The following CLSTN2 variants were observed in gnomAD, a reference collection of about 807,000 sequenced individuals.
CLSTN2 encodes calsyntenin-2.
CLSTN2 carries 48 observed loss-of-function variants against 101.2 expected under a neutral mutation model. That is an observed-to-expected ratio of 0.47 (90% CI 0.38 to 0.60). The LOEUF is 0.60. Among genes scored for constraint, CLSTN2 ranks in the 20% least tolerant of loss-of-function variants. The probability of loss-of-function intolerance (pLI) is 0.00; values close to 1 mark genes in which losing one functional copy is unlikely to be tolerated. For synonymous variants in CLSTN2, 481 were observed against 463.6 expected (o/e 1.04, Z -0.48); for missense variants, 1,160 against 1,238.2 (o/e 0.94, Z 0.95).
chr3:140,556,837 A>ATGATACG, intron 11 of CLSTN2, 176 bp downstream of exon 11: 2 of 608,572 alleles, frequency 3.3e-6, no homozygotes, highest in East Asian at 2.8e-5. Flanking sequence ...TTTCTTCCTA[A>ATGATACG]GCAAGATGTT....
intron 1 of CLSTN2, among the ~76,000 whole-genome samples, chr3:140,096,051 A>G (rs2107787894): frequency 6.6e-6 from 1 of 152,298 alleles, no homozygotes; most frequent in South Asian, 2.1e-4. Context: ...AGCTTCTTGG[A>G]AAAACAAGAG....
chr3:140,365,475 A>G (rs1222533117), intron 2 of CLSTN2, among the ~76,000 whole-genome samples: 1 of 152,178 alleles, frequency 6.6e-6, no homozygotes, highest in Non-Finnish European at 1.5e-5. Flanking sequence ...AAATCAATCA[A>G]CAAACAAATG....
At chr3:140,340,477 G>GT (rs2087481952) in intron 2 of CLSTN2, among the ~76,000 whole-genome samples, 1 of 152,198 alleles carries the variant, frequency 6.6e-6, no homozygotes, top group Admixed American at 6.5e-5. Context: ...GTTAACAGTA[G>GT]TTATGCCTGG....
At chr3:140,077,795 A>G (rs2008517295) in intron 1 of CLSTN2, among the ~76,000 whole-genome samples, 1 of 152,088 alleles carries the variant, frequency 6.6e-6, no homozygotes, top group Non-Finnish European at 1.5e-5. Context: ...TTCATCCAGT[A>G]TCAAATGCTC....
At chr3:140,030,678 C>G (rs2007528004) in intron 1 of CLSTN2, among the ~76,000 whole-genome samples, 2 of 152,144 alleles carry the variant, frequency 1.3e-5, no homozygotes, top group Admixed American at 1.3e-4. Flanking sequence ...CTTTCACACC[C>G]CTCTGTGGTC....
Position 139,935,446 on chromosome 3 carries a change from C to A in CLSTN2, c.72C>A (p.Gly24=). The A allele has an allele frequency of 8.1e-7, 1 of 1,231,168 alleles. No individual in the cohort carries two copies. The highest frequency in any genetic ancestry group is 1.6e-5 in the African/African-American group (1 of 64,396). 76.3% of individuals were successfully genotyped at this position (1,231,168 alleles called of 1,614,324 possible). Residue 24 remains glycine, a synonymous_variant, in exon 1 of 17, where the codon GGC becomes GGA. Transcript: ENST00000458420. The surrounding 1 kb of genome is among the most constrained non-coding windows in gnomAD (Gnocchi z 5.5). Reference sequence around the variant, plus strand: ...GCGTGGGGAGCGGCAGCGGCGGTGGCGGGGACAGCCGGCAGCGCCGCCTCC... The same window carrying A: ...GCGTGGGGAGCGGCAGCGGCGGTGGAGGGGACAGCCGGCAGCGCCGCCTCC... The part of the protein sequence containing the change: ...ALGVGSGSGG[G]GDSRQRRLLA...
At position 140,077,408 on chromosome 3, in the gene CLSTN2, T is replaced by G. The variant is rs111917157; in HGVS notation, c.110-98543T>G. Among the ~76,000 whole-genome samples, 6 of 152,254 alleles carry G rather than the reference T, an allele frequency of 3.9e-5. 1 individual carries two copies. The highest frequency in any genetic ancestry group is 1.4e-4 in the African/African-American group (6 of 41,536). ...CAGGGCTCTCATTTACATCATAGAG[T>G]TCTCAGTCTTTCTGTCCAGCACCTG... On this transcript the variant is annotated intron_variant, in intron 1 of 16. Transcript: ENST00000458420.
intron 1 of CLSTN2, among the ~76,000 whole-genome samples, chr3:140,041,704 C>T (rs1035224137): frequency 2.6e-5 from 4 of 152,142 alleles, no homozygotes; most frequent in South Asian, 2.1e-4. Flanking sequence ...CGGGCCTCAC[C>T]GACTCCTATG....
intron 10 of CLSTN2, among the ~76,000 whole-genome samples, chr3:140,549,981 G>A (rs1935674265): frequency 2.0e-5 from 3 of 150,288 alleles, no homozygotes; most frequent in Non-Finnish European, 4.4e-5. Context: ...ACAAGATACT[G>A]TGGAATCACC....
intron 1 of CLSTN2, among the ~76,000 whole-genome samples, chr3:140,172,844 G>T (rs1332973606): frequency 1.3e-5 from 2 of 152,126 alleles, no homozygotes; most frequent in African/African-American, 2.4e-5. Flanking sequence ...AATAGTATGG[G>T]AGAAACTGCC....
At chr3:140,007,802 C>T (rs1158808323) in intron 1 of CLSTN2, among the ~76,000 whole-genome samples, 1 of 152,126 alleles carries the variant, frequency 6.6e-6, no homozygotes, top group African/African-American at 2.4e-5. Context: ...TTATGTGAGC[C>T]CCTTCCTCTG....
At chr3:140,179,969 C>T (rs114813658) in intron 2 of CLSTN2, among the ~76,000 whole-genome samples, 1 of 152,270 alleles carries the variant, frequency 6.6e-6, no homozygotes, top group African/African-American at 2.4e-5. Context: ...GTTTCATTCA[C>T]ACCACCCAAG....
intron 2 of CLSTN2, among the ~76,000 whole-genome samples, chr3:140,346,116 C>G (rs1177455912): frequency 2.0e-5 from 3 of 152,156 alleles, no homozygotes; most frequent in African/African-American, 7.2e-5. Flanking sequence ...CCTGCTGTCT[C>G]TTTTTGTGCC....
chr3:139,961,933 A>G (rs1935517492), intron 1 of CLSTN2, among the ~76,000 whole-genome samples: 1 of 152,138 alleles, frequency 6.6e-6, no homozygotes, highest in Non-Finnish European at 1.5e-5. Flanking sequence ...ACTTAACACT[A>G]GCACATAAGT....
chr3:139,952,281 A>G (rs1935308238), intron 1 of CLSTN2, among the ~76,000 whole-genome samples: 2 of 152,084 alleles, frequency 1.3e-5, no homozygotes, highest in Non-Finnish European at 2.9e-5. Context: ...GCGTCACCAT[A>G]TTTTCGATTA....
intron 1 of CLSTN2, among the ~76,000 whole-genome samples, chr3:139,953,009 G>C (rs372170844): frequency 1.3e-5 from 2 of 152,162 alleles, no homozygotes; most frequent in Non-Finnish European, 1.5e-5. Flanking sequence ...AGCCCTACCC[G>C]CTACCCCACT....
At chr3:139,988,694 G>A (rs1313265392) in intron 1 of CLSTN2, among the ~76,000 whole-genome samples, 2 of 152,128 alleles carry the variant, frequency 1.3e-5, no homozygotes, top group African/African-American at 4.8e-5. Flanking sequence ...GGGAGCAAGG[G>A]GTGGGAGGAT....
At position 140,383,113 on chromosome 3, in the gene CLSTN2, A is replaced by G. The variant is rs532275379; in HGVS notation, c.233-20516A>G. Among the ~76,000 whole-genome samples, 12 of 152,338 alleles carry G rather than the reference A, an allele frequency of 7.9e-5. No homozygotes were observed. In the East Asian group the frequency reaches 2.3e-3, roughly 29 times the overall value. On this transcript the variant is annotated intron_variant, in intron 2 of 16. Coordinates refer to ENST00000458420, the MANE Select transcript of CLSTN2 (RefSeq NM_022131.3). ...TATTTCACATACACTCTGTGAGGAT[A>G]GTAAAATGACTTTATTACCTAAGGA...
chr3:140,217,462 G>A lies in CLSTN2; in HGVS notation c.232+41389G>A, dbSNP rs552445170. The stretch of plus-strand genomic sequence containing the variant: ...CAATGAACCTGCTCCATGGTTTTCC[G>A]AGATCCAGGAAAAACTGGTTATCAT... On this transcript the variant is annotated intron_variant, in intron 2 of 16. Transcript: ENST00000458420. Among the ~76,000 whole-genome samples, 16 of 152,192 alleles carry A rather than the reference G, an allele frequency of 1.1e-4. No individual in the cohort carries two copies. In the South Asian group the frequency reaches 1.9e-3, roughly 18 times the overall value.
Sources: allele counts gnomAD v4.1 joint callset (sites outside exome capture counted in the v4.1 genomes callset), GRCh38; gene constraint gnomAD v4.1.1; non-coding constraint Gnocchi (gnomAD v3.1); transcripts MANE v1.5; gene names NCBI Gene and HGNC (gene_info 2026-07-23, HGNC 2026-07-21).